Variants in PTPRD observed in about 807,000 individuals in gnomAD.
PTPRD encodes the protein receptor-type tyrosine-protein phosphatase delta.
Under a neutral mutation model 214.5 loss-of-function variants are expected in PTPRD, and 34 were observed. The ratio of observed to expected loss-of-function variants is 0.16; its 90% CI spans 0.12 to 0.21. The LOEUF is 0.21. Ranked by LOEUF, PTPRD falls within the 10% of genes least tolerant of loss-of-function variation. PTPRD has a pLI of 1.00. For missense variants in PTPRD, 2,545 were observed against 2,398.7 expected, an observed-to-expected ratio of 1.06 and a Z score of -1.27; for synonymous variants, 1,128 against 845.7, an observed-to-expected ratio of 1.33 and a Z score of -5.79.
At chr9:9,590,606 A>G (rs1554662207) in intron 7 of PTPRD, among the ~76,000 whole-genome samples, 1 of 151,954 alleles carries the variant, frequency 6.6e-6, no homozygotes, top group Non-Finnish European at 1.5e-5. Flanking sequence ...ATGGCTTCAT[A>G]TATTTATTTT....
In PTPRD at chr9:10,055,149, C is replaced by G. The variant is rs570896424; in HGVS notation, c.-544-21359G>C. ...TCTTTGATCTTTGACTTTCCACCCT[C>G]CAGACCCTAAGAAATAAATGTCTAT... On this transcript the variant is annotated intron_variant, in intron 3 of 45. Coordinates refer to ENST00000381196, the MANE Select transcript of PTPRD (RefSeq NM_002839.4). Among the ~76,000 whole-genome samples, 422 of 152,170 alleles carry G rather than the reference C, an allele frequency of 2.8e-3. 2 individuals carry two copies. Among genetic ancestry groups the G allele is most frequent in the Middle Eastern group, 0.017 (5 of 294 alleles).
chr9:10,250,306 A>G (rs972058588), intron 3 of PTPRD, among the ~76,000 whole-genome samples: 4 of 152,134 alleles, frequency 2.6e-5, no homozygotes, highest in African/African-American at 9.7e-5. Context: ...CTGACCCTTT[A>G]CTCATCTATA....
At chr9:8,667,354 A>C (rs948628638) in intron 12 of PTPRD, among the ~76,000 whole-genome samples, 51 of 152,296 alleles carry the variant, frequency 3.3e-4, no homozygotes, top group African/African-American at 1.2e-3. Flanking sequence ...TAAATAAATA[A>C]AACAAAACCA....
At chr9:9,741,620 G>A (rs1365357906) in intron 6 of PTPRD, among the ~76,000 whole-genome samples, 1 of 152,014 alleles carries the variant, frequency 6.6e-6, no homozygotes, top group African/African-American at 2.4e-5. Context: ...CCCAAACCCT[G>A]ACAGGCCCCA....
chr9:9,089,291 T>C (rs2099772116), intron 10 of PTPRD, among the ~76,000 whole-genome samples: 1 of 152,252 alleles, frequency 6.6e-6, no homozygotes, highest in South Asian at 2.1e-4. Flanking sequence ...AAGAAATAAG[T>C]GTGTCCTAAT....
At chr9:9,635,270 G>C (rs970466423) in intron 7 of PTPRD, among the ~76,000 whole-genome samples, 3 of 152,154 alleles carry the variant, frequency 2.0e-5, no homozygotes, top group Non-Finnish European at 2.9e-5. Flanking sequence ...AGCATACTGT[G>C]TGTTACTTTT....
intron 2 of PTPRD, among the ~76,000 whole-genome samples, chr9:10,431,516 A>C (rs1388813091): frequency 6.6e-6 from 1 of 152,066 alleles, no homozygotes; most frequent in East Asian, 1.9e-4. Flanking sequence ...AAATGGGAGA[A>C]AATTTTCGCA....
At chr9:9,999,221 G>A (rs1039894017) in intron 4 of PTPRD, among the ~76,000 whole-genome samples, 2 of 152,134 alleles carry the variant, frequency 1.3e-5, no homozygotes, top group Non-Finnish European at 2.9e-5. Context: ...ACAGTTACAG[G>A]AATCATCTCC....
intron 3 of PTPRD, among the ~76,000 whole-genome samples, chr9:10,201,559 A>G (rs1290211165): frequency 6.6e-6 from 1 of 151,952 alleles, no homozygotes. Context: ...ATAATATTCC[A>G]TTAAATAAGT....
chr9:8,453,327 C>G (rs1429376168), intron 33 of PTPRD, among the ~76,000 whole-genome samples: 1 of 152,016 alleles, frequency 6.6e-6, no homozygotes, highest in Admixed American at 6.6e-5. Context: ...CCATGCCTGG[C>G]TAATTTTTTG....
chr9:8,524,942 G>C lies in PTPRD; in HGVS notation c.662C>G (p.Ala221Gly), dbSNP rs754839382. 1 of 1,613,486 alleles carries C rather than the reference G, an allele frequency of 6.2e-7. No homozygotes were observed. Among genetic ancestry groups the C allele is most frequent in the African/African-American group, 1.3e-5 (1 of 74,960 alleles). Residue 221 changes from alanine to glycine, a missense_variant, in exon 18 of 46, where the codon GCC (alanine) becomes GGC (glycine). Coordinates refer to ENST00000381196, the MANE Select transcript of PTPRD (RefSeq NM_002839.4). ...ATTCCTACCTCTGACATATAAATTG[G>C]CAGGAGCGGAATAGCGAGTGCCCGC... ...NSAGTRYSAP[A>G]NLYVRELREV...
chr9:8,781,199 T>A (rs1165897322), intron 11 of PTPRD, among the ~76,000 whole-genome samples: 4 of 152,154 alleles, frequency 2.6e-5, no homozygotes, highest in African/African-American at 9.7e-5. Context: ...GAAAGAGAAT[T>A]TATCATCGGC....
chr9:9,613,135 C>CATACATATATAT (rs2094619869), intron 7 of PTPRD, among the ~76,000 whole-genome samples: 1 of 47,926 alleles, frequency 2.1e-5, no homozygotes, highest in African/African-American at 8.7e-5. Flanking sequence ...TACATACATA[C>CATACATATATAT]ATATATATAT....
chr9:9,885,909 T>C (rs1056951442), intron 5 of PTPRD, among the ~76,000 whole-genome samples: 8 of 151,904 alleles, frequency 5.3e-5, no homozygotes, highest in East Asian at 1.9e-4. Context: ...TCTGCCTATC[T>C]GAAAGAGATC....
At chr9:9,963,950 T>C (rs138622033) in intron 4 of PTPRD, among the ~76,000 whole-genome samples, 119 of 146,882 alleles carry the variant, frequency 8.1e-4, no homozygotes, top group South Asian at 2.2e-3. Context: ...CTCATTTCCA[T>C]TTTTATGAGC....
intron 8 of PTPRD, among the ~76,000 whole-genome samples, chr9:9,514,401 A>G (rs548752764): frequency 2.2e-4 from 33 of 152,068 alleles, no homozygotes; most frequent in Non-Finnish European, 4.1e-4. Flanking sequence ...TGTGTGTGTA[A>G]AACACTAAAC....
intron 9 of PTPRD, among the ~76,000 whole-genome samples, chr9:9,238,320 G>T (rs918192150): frequency 1.3e-5 from 2 of 152,092 alleles, no homozygotes; most frequent in African/African-American, 2.4e-5. Context: ...CTTTGGGTTT[G>T]CAGTGGCTGA....
chr9:9,525,462 G>T (rs2154259340), intron 8 of PTPRD, among the ~76,000 whole-genome samples: 1 of 152,218 alleles, frequency 6.6e-6, no homozygotes, highest in South Asian at 2.1e-4. Context: ...CAGCTTCCAT[G>T]AGTTAGAGGG....
chr9:9,540,367 G>C (rs530683301), intron 8 of PTPRD, among the ~76,000 whole-genome samples: 1 of 151,938 alleles, frequency 6.6e-6, no homozygotes, highest in African/African-American at 2.4e-5. Flanking sequence ...TGTAGTATGT[G>C]TGTGTATGCC....
Sources: gnomAD v4.1 joint callset for allele counts (sites outside exome capture counted in the v4.1 genomes callset) on GRCh38, gnomAD v4.1.1 for gene constraint, MANE v1.5 for transcripts, NCBI Gene and HGNC (gene_info 2026-07-23, HGNC 2026-07-21) for gene names.